ADK: variants seen among roughly 807,000 people sequenced by gnomAD.
The protein encoded by ADK is N6,N6-dimethyladenosine kinase.
In ADK, 24 loss-of-function variants were observed where a neutral mutation model predicts 44.7. The ratio of observed to expected loss-of-function variants is 0.54; its 90% confidence interval spans 0.39 to 0.76. The LOEUF is 0.76. Ranked by LOEUF, ADK falls within the 30% of genes least tolerant of loss-of-function variation. ADK has a pLI of 0.00. For missense variants in ADK, 321 were observed against 425.1 expected (o/e 0.76, Z 2.15); for synonymous variants, 128 against 142.6 (o/e 0.90, Z 0.73).
intron 6 of ADK, among the ~76,000 whole-genome samples, chr10:74,514,977 A>G (rs1010215328): frequency 6.6e-6 from 1 of 152,002 alleles, no homozygotes; most frequent in African/African-American, 2.4e-5. Flanking sequence ...GACACTCACC[A>G]ATATGCCCTG....
At chr10:74,186,902 G>C (rs12241229) in intron 1 of ADK, among the ~76,000 whole-genome samples, 10,754 of 152,204 alleles carry the variant, frequency 0.071, 1,304 homozygotes, top group African/African-American at 0.24. Context: ...GTTACTATGA[G>C]TAAAGTTGCT....
At chr10:74,176,951 C>A (rs962154182) in intron 1 of ADK, 129 of 1,596,460 alleles carry the variant, frequency 8.1e-5, no homozygotes, top group Admixed American at 3.3e-4. Context: ...CGCGTGAGCA[C>A]TGTCGCTCCT....
intron 3 of ADK, among the ~76,000 whole-genome samples, chr10:74,298,921 A>G (rs1360270211): frequency 1.3e-5 from 2 of 152,120 alleles, no homozygotes; most frequent in South Asian, 2.1e-4. Context: ...CTCTAAAATA[A>G]AAACAAAAAA....
At chr10:74,658,585 A>AC (rs929310952) in intron 9 of ADK, among the ~76,000 whole-genome samples, 1 of 151,378 alleles carries the variant, frequency 6.6e-6, no homozygotes, top group African/African-American at 2.4e-5. Flanking sequence ...ACAGGCACGC[A>AC]CCCCCATGCC....
chr10:74,654,360 C>T (rs976588051), intron 9 of ADK, among the ~76,000 whole-genome samples: 1 of 152,220 alleles, frequency 6.6e-6, no homozygotes, highest in East Asian at 1.9e-4. Context: ...CTAATAAATG[C>T]TTCTTCCTAT....
At chr10:74,305,038 C>T (rs1237587242) in intron 3 of ADK, among the ~76,000 whole-genome samples, 1 of 152,164 alleles carries the variant, frequency 6.6e-6, no homozygotes, top group East Asian at 1.9e-4. Flanking sequence ...TTGTATATAA[C>T]ATATGCATAT....
chr10:74,708,812 AT>A lies in ADK; in HGVS notation c.*373del, dbSNP rs1177756645. 4.4e-6 allele frequency: 1 copy of A among 229,376 alleles called. No homozygotes were observed. The highest frequency in any genetic ancestry group is 5.6e-5 in the South Asian group (1 of 17,870). The allele number at this position is 229,376 out of a possible 1,614,324, so 14.2% of individuals were successfully genotyped here. On this transcript the variant is annotated 3_prime_UTR_variant, in exon 11 of 11. Transcript: ENST00000539909. ...ATGCAGATGCAATTTAATATAATAG[AT>A]TTTTTAATGAATTAATCTTAACATA...
intron 10 of ADK, among the ~76,000 whole-genome samples, chr10:74,707,796 C>T (rs1403244050): frequency 6.7e-6 from 1 of 148,922 alleles, no homozygotes; most frequent in Non-Finnish European, 1.5e-5. Flanking sequence ...ACCAGATTGA[C>T]TTGATGGCAA....
chr10:74,556,090 T>C (rs1564790171), intron 7 of ADK, among the ~76,000 whole-genome samples: 1 of 152,250 alleles, frequency 6.6e-6, no homozygotes, highest in Admixed American at 6.5e-5. Context: ...CTTTTAAAGA[T>C]ATAAATAGTA....
intron 4 of ADK, among the ~76,000 whole-genome samples, chr10:74,386,123 A>G (rs539123434): frequency 6.6e-6 from 1 of 152,078 alleles, no homozygotes; most frequent in East Asian, 1.9e-4. Context: ...GATATATGCT[A>G]TTTTCCTTAT....
intron 6 of ADK, among the ~76,000 whole-genome samples, chr10:74,465,602 A>T (rs1010830828): frequency 1.3e-5 from 2 of 152,232 alleles, no homozygotes; most frequent in African/African-American, 4.8e-5. Flanking sequence ...AGTGGGAGAT[A>T]TGATGACTTG....
intron 4 of ADK, among the ~76,000 whole-genome samples, chr10:74,326,666 C>T (rs755580926): frequency 1.3e-5 from 2 of 152,170 alleles, no homozygotes; most frequent in Middle Eastern, 3.4e-3. Context: ...CCATCAGGTC[C>T]TAGGCATTTT....
chr10:74,503,714 A>C (rs1477020432), intron 6 of ADK, among the ~76,000 whole-genome samples: 1 of 152,174 alleles, frequency 6.6e-6, no homozygotes, highest in African/African-American at 2.4e-5. Flanking sequence ...TAGGGAAGTA[A>C]AGAGCTAATT....
At chr10:74,388,799 G>A (rs1843239683) in intron 4 of ADK, among the ~76,000 whole-genome samples, 1 of 149,772 alleles carries the variant, frequency 6.7e-6, no homozygotes, top group Admixed American at 6.8e-5. Context: ...GCACAGGTTG[G>A]TATCTAGCCA....
chr10:74,290,096 ACACACT>A (rs1165450686), intron 3 of ADK, among the ~76,000 whole-genome samples: 16 of 152,010 alleles, frequency 1.1e-4, no homozygotes, highest in African/African-American at 3.6e-4. Flanking sequence ...ACACACACAC[ACACACT>A]CACACACACT....
chr10:74,162,521 TTG>T (rs10550667), intron 1 of ADK, among the ~76,000 whole-genome samples: 77,681 of 141,662 alleles, frequency 0.55, 21,496 homozygotes, highest in East Asian at 0.71. Flanking sequence ...TGCATTTCTT[TTG>T]TGTGTGTGTG....
intron 7 of ADK, among the ~76,000 whole-genome samples, chr10:74,552,085 C>T (rs566594644): frequency 6.6e-6 from 1 of 151,748 alleles, no homozygotes; most frequent in Admixed American, 6.6e-5. Context: ...AATGTGGATG[C>T]AGATACAGTG....
At chr10:74,584,570 A>G (rs1851470327) in intron 7 of ADK, among the ~76,000 whole-genome samples, 1 of 152,108 alleles carries the variant, frequency 6.6e-6, no homozygotes, top group Admixed American at 6.6e-5. Flanking sequence ...TTATACAGAG[A>G]TTTTTATACA....
chr10:74,390,968 T>G (rs561927738), intron 4 of ADK, among the ~76,000 whole-genome samples: 1 of 152,306 alleles, frequency 6.6e-6, no homozygotes, highest in Non-Finnish European at 1.5e-5. Context: ...CTTCTTCCCT[T>G]TCCCCATTCC....
Sources: allele counts gnomAD v4.1 joint callset (sites outside exome capture counted in the v4.1 genomes callset), GRCh38; gene constraint gnomAD v4.1.1; transcripts MANE v1.5; gene names NCBI Gene and HGNC (gene_info 2026-07-23, HGNC 2026-07-21).